ZMAT4: variants seen among roughly 807,000 people sequenced by gnomAD.
ZMAT4 encodes the protein zinc finger matrin-type protein 4.
Under a neutral mutation model 28.7 loss-of-function variants are expected in ZMAT4, and 17 were observed. The observed-to-expected ratio is 0.59, with a 90% CI of 0.41 to 0.89. ZMAT4 has a LOEUF of 0.89. Ranked by LOEUF, ZMAT4 falls within the 40% of genes least tolerant of loss-of-function variation. The pLI, the probability that ZMAT4 is intolerant of heterozygous loss-of-function variation, is 0.00. For missense variants in ZMAT4, 240 were observed against 283.8 expected, an observed-to-expected ratio of 0.85 and a Z score of 1.11; for synonymous variants, 117 against 109.2, an observed-to-expected ratio of 1.07 and a Z score of -0.44.
At chr8:40,683,346 G>C (rs1809260292) in intron 4 of ZMAT4, among the ~76,000 whole-genome samples, 1 of 152,160 alleles carries the variant, frequency 6.6e-6, no homozygotes, top group South Asian at 2.1e-4. Flanking sequence ...CAGTCAAGGT[G>C]CTACACTCCC....
intron 4 of ZMAT4, among the ~76,000 whole-genome samples, chr8:40,696,023 A>G (rs1362191677): frequency 2.0e-5 from 3 of 152,108 alleles, no homozygotes; most frequent in Admixed American, 6.5e-5. Context: ...GGAGTAGGTT[A>G]CAAGGTGAAT....
chr8:40,752,726 T>C (rs947867696), intron 3 of ZMAT4, among the ~76,000 whole-genome samples: 5 of 152,176 alleles, frequency 3.3e-5, no homozygotes, highest in African/African-American at 1.2e-4. Context: ...CATTTTTCAC[T>C]TCTGCCATCA....
At chr8:40,612,013 G>A (rs1377111518) in intron 5 of ZMAT4, among the ~76,000 whole-genome samples, 1 of 152,162 alleles carries the variant, frequency 6.6e-6, no homozygotes, top group Non-Finnish European at 1.5e-5. Context: ...GGAGGAGCAT[G>A]GGCATTGGGA....
chr8:40,710,061 A>C (rs1810538081), intron 3 of ZMAT4, among the ~76,000 whole-genome samples: 1 of 150,916 alleles, frequency 6.6e-6, no homozygotes, highest in African/African-American at 2.4e-5. Flanking sequence ...AAAAGAAACA[A>C]CTGGTGGTAG....
At chr8:40,667,305 G>A (rs1485118743) in intron 5 of ZMAT4, among the ~76,000 whole-genome samples, 4 of 151,942 alleles carry the variant, frequency 2.6e-5, no homozygotes, top group Non-Finnish European at 4.4e-5. Context: ...ATAGGCGCCC[G>A]CCACCACGCC....
At chr8:40,665,397 C>A (rs1808369005) in intron 5 of ZMAT4, among the ~76,000 whole-genome samples, 1 of 152,162 alleles carries the variant, frequency 6.6e-6, no homozygotes, top group South Asian at 2.1e-4. Context: ...AGAGAGGCAG[C>A]AGCTGCATTA....
intron 3 of ZMAT4, among the ~76,000 whole-genome samples, chr8:40,706,065 T>G (rs1718686228): frequency 6.6e-6 from 1 of 152,114 alleles, no homozygotes. Flanking sequence ...TTATTGGTTG[T>G]TTTTTCTTTT....
chr8:40,834,339 T>C (rs1816400022), intron 1 of ZMAT4, among the ~76,000 whole-genome samples: 1 of 152,074 alleles, frequency 6.6e-6, no homozygotes. Flanking sequence ...CTTTGTCTGC[T>C]TGGACAAGTC....
chr8:40,660,906 T>G (rs1419624982), intron 5 of ZMAT4, among the ~76,000 whole-genome samples: 2 of 152,218 alleles, frequency 1.3e-5, no homozygotes, highest in Non-Finnish European at 2.9e-5. Context: ...TTCACAGTAT[T>G]TTATTTGCCT....
At chr8:40,721,891 T>C (rs1811114565) in intron 3 of ZMAT4, among the ~76,000 whole-genome samples, 1 of 152,138 alleles carries the variant, frequency 6.6e-6, no homozygotes, top group Non-Finnish European at 1.5e-5. Flanking sequence ...CTATCTGATC[T>C]TTGACAAACC....
At chr8:40,649,480 A>T (rs1451494424) in intron 5 of ZMAT4, among the ~76,000 whole-genome samples, 1 of 152,182 alleles carries the variant, frequency 6.6e-6, no homozygotes, top group African/African-American at 2.4e-5. Flanking sequence ...AGAATGGGAG[A>T]CTTTAACACC....
rs538756037 is a variant in ZMAT4 at position 40,841,809 on chromosome 8, A to G, written c.-4-16129T>C. 5.9e-5 allele frequency among the ~76,000 whole-genome samples: 9 copies of G among 152,344 alleles called. No homozygotes were observed. In the South Asian group the frequency reaches 1.9e-3, roughly 32 times the overall value. Reference sequence around the variant, plus strand: ...GCACTAGTGTAATCTATTGCTTCCCAGTAGAACTCCCTGTTTCTATTTTGG... The same window carrying G: ...GCACTAGTGTAATCTATTGCTTCCCGGTAGAACTCCCTGTTTCTATTTTGG... On this transcript the variant is annotated intron_variant, in intron 1 of 6. Transcript: ENST00000297737.
chr8:40,873,719 C>G (rs1463464081), intron 1 of ZMAT4, among the ~76,000 whole-genome samples: 1 of 152,208 alleles, frequency 6.6e-6, no homozygotes, highest in Non-Finnish European at 1.5e-5. Flanking sequence ...AAGGTCACCC[C>G]ACAAAGTAGT....
chr8:40,546,215 A>G (rs1803197534), intron 6 of ZMAT4, among the ~76,000 whole-genome samples: 1 of 152,074 alleles, frequency 6.6e-6, no homozygotes, highest in Non-Finnish European at 1.5e-5. Context: ...AAAAAAGAGG[A>G]AGGAAAATTT....
intron 1 of ZMAT4, among the ~76,000 whole-genome samples, chr8:40,841,787 C>T (rs987722151): frequency 6.6e-6 from 1 of 152,182 alleles, no homozygotes; most frequent in Non-Finnish European, 1.5e-5. Context: ...GTAAAATGCA[C>T]TAGTGTAATC....
At chr8:40,537,585 A>G (rs1585655671) in intron 6 of ZMAT4, among the ~76,000 whole-genome samples, 1 of 152,342 alleles carries the variant, frequency 6.6e-6, no homozygotes, top group East Asian at 1.9e-4. Context: ...TGCATTGTTT[A>G]TATGCAAATG....
Position 40,797,703 on chromosome 8 carries a change from C to T in ZMAT4, c.102+27872G>A, listed in dbSNP as rs573167507. Among the ~76,000 whole-genome samples the T allele has an allele frequency of 2.6e-5, 4 of 152,286 alleles. No individual in the cohort carries two copies. In the South Asian group the frequency reaches 8.3e-4, roughly 32 times the overall value. ...CGGAAGAAAGAAATGACAGGATGCA[C>T]AGAAAGATTGGTACAGCACTCGGTC... On this transcript the variant is annotated intron_variant, in intron 2 of 6. Transcript: ENST00000297737.
intron 5 of ZMAT4, among the ~76,000 whole-genome samples, chr8:40,597,427 G>T (rs1286935892): frequency 1.3e-5 from 2 of 152,198 alleles, no homozygotes; most frequent in Non-Finnish European, 2.9e-5. Context: ...GCCTGGGCTT[G>T]CTGCTTCCCC....
chr8:40,677,534 A>G (rs1808962617), intron 4 of ZMAT4, among the ~76,000 whole-genome samples: 1 of 152,164 alleles, frequency 6.6e-6, no homozygotes, highest in Non-Finnish European at 1.5e-5. Context: ...TTTAAAATTA[A>G]CATACTTTGC....
Sources: gnomAD v4.1 joint callset for allele counts (sites outside exome capture counted in the v4.1 genomes callset) on GRCh38, gnomAD v4.1.1 for gene constraint, MANE v1.5 for transcripts, NCBI Gene and HGNC (gene_info 2026-07-23, HGNC 2026-07-21) for gene names.